The following ABCB5 variants were observed in gnomAD, a reference collection of about 807,000 sequenced individuals.
ABCB5 encodes ATP-binding cassette sub-family B member 5.
A neutral mutation model predicts 144.2 loss-of-function variants in ABCB5; 155 were observed. The ratio of observed to expected loss-of-function variants is 1.08; its 90% confidence interval spans 0.94 to 1.23. The LOEUF is 1.23. ABCB5 is among the 50% of genes most tolerant of loss of function. The pLI is 0.00. For missense variants in ABCB5, 1,830 were observed against 1,520.8 expected, an observed-to-expected ratio of 1.20 and a Z score of -3.38; for synonymous variants, 610 against 528.6, an observed-to-expected ratio of 1.15 and a Z score of -2.11.
At chr7:20,690,821 C>T (rs1786195544) in intron 16 of ABCB5, among the ~76,000 whole-genome samples, 1 of 152,014 alleles carries the variant, frequency 6.6e-6, no homozygotes. Flanking sequence ...TAAGAGGAAA[C>T]CCAGGAGAGT....
At chr7:20,690,609 AAG>A (rs1197041482) in intron 16 of ABCB5, among the ~76,000 whole-genome samples, 1 of 152,186 alleles carries the variant, frequency 6.6e-6, no homozygotes, top group Non-Finnish European at 1.5e-5. Context: ...GGGCCAGAGT[AAG>A]ATGAGGGAAA....
At chr7:20,751,345 G>A (rs1401865117) in intron 26 of ABCB5, among the ~76,000 whole-genome samples, 3 of 152,120 alleles carry the variant, frequency 2.0e-5, no homozygotes, top group Admixed American at 6.5e-5. Flanking sequence ...GGTGGCGGGC[G>A]CCTGTAGTTG....
intron 23 of ABCB5, among the ~76,000 whole-genome samples, chr7:20,728,761 A>C (rs1184793326): frequency 6.6e-6 from 1 of 152,180 alleles, no homozygotes; most frequent in African/African-American, 2.4e-5. Flanking sequence ...CTCAAAATAA[A>C]TAAATTAATT....
At chr7:20,740,776 AT>A (rs1782535961) in intron 24 of ABCB5, among the ~76,000 whole-genome samples, 1 of 152,258 alleles carries the variant, frequency 6.6e-6, no homozygotes, top group East Asian at 1.9e-4. Flanking sequence ...TTTATTTAGT[AT>A]GTAAATGTTT....
chr7:20,699,732 T>G, intron 17 of ABCB5, 93 bp from the exon 18 acceptor site: 3 of 768,894 alleles, frequency 3.9e-6, no homozygotes, highest in Non-Finnish European at 6.1e-6. Flanking sequence ...AAAAGAAATG[T>G]ATTTTAAAAC....
At chr7:20,637,865 A>G (rs984643342) in intron 5 of ABCB5, among the ~76,000 whole-genome samples, 1 of 152,216 alleles carries the variant, frequency 6.6e-6, no homozygotes, top group African/African-American at 2.4e-5. Flanking sequence ...TAAGTGCTCA[A>G]TAAATGAAGC....
intron 27 of ABCB5, among the ~76,000 whole-genome samples, chr7:20,754,159 C>T (rs891432829): frequency 1.4e-4 from 22 of 152,284 alleles, no homozygotes; most frequent in Admixed American, 1.3e-3. Context: ...AACAACATGA[C>T]GAATGAGCTT....
At chr7:20,632,551 C>A (rs1241189246) in intron 5 of ABCB5, among the ~76,000 whole-genome samples, 3 of 152,074 alleles carry the variant, frequency 2.0e-5, no homozygotes, top group African/African-American at 7.2e-5. Flanking sequence ...GCTATAAAAA[C>A]ACATGCACAC....
intron 1 of ABCB5, among the ~76,000 whole-genome samples, chr7:20,616,143 T>A (rs1451982866): frequency 6.6e-6 from 1 of 152,150 alleles, no homozygotes; most frequent in African/African-American, 2.4e-5. Flanking sequence ...TCAAGAGATT[T>A]TCCTGGCTCA....
At chr7:20,619,957 C>T (rs1336397843) in intron 1 of ABCB5, among the ~76,000 whole-genome samples, 2 of 152,084 alleles carry the variant, frequency 1.3e-5, no homozygotes, top group Admixed American at 1.3e-4. Context: ...TTTTTGTTGA[C>T]TTTGTTAACG....
chr7:20,729,922 G>A (rs931770473), intron 23 of ABCB5, among the ~76,000 whole-genome samples: 1 of 152,122 alleles, frequency 6.6e-6, no homozygotes, highest in African/African-American at 2.4e-5. Flanking sequence ...TGGCATATTT[G>A]TATTTTCAGG....
At chr7:20,692,978 C>T (rs759387619) in intron 16 of ABCB5, among the ~76,000 whole-genome samples, 4 of 152,034 alleles carry the variant, frequency 2.6e-5, no homozygotes, top group Admixed American at 6.6e-5. Context: ...AATAGAAATT[C>T]GGCAGAAACA....
chr7:20,683,850 G>C (rs1030921446), intron 15 of ABCB5, among the ~76,000 whole-genome samples: 10 of 152,092 alleles, frequency 6.6e-5, no homozygotes, highest in African/African-American at 1.7e-4. Context: ...TGTCAATTTT[G>C]ATAATTCGTG....
intron 20 of ABCB5, among the ~76,000 whole-genome samples, chr7:20,713,589 C>T (rs1293319510): frequency 1.3e-5 from 2 of 149,500 alleles, no homozygotes; most frequent in African/African-American, 4.9e-5. Flanking sequence ...ATTTTTGGTG[C>T]TGGATATTTT....
intron 20 of ABCB5, among the ~76,000 whole-genome samples, chr7:20,722,305 T>C (rs770111987): frequency 2.6e-5 from 4 of 152,158 alleles, no homozygotes; most frequent in Non-Finnish European, 4.4e-5. Flanking sequence ...GTACCTATCA[T>C]TGAGAAGACA....
At chr7:20,677,360 T>C (rs1226207412) in intron 14 of ABCB5, among the ~76,000 whole-genome samples, 2 of 152,188 alleles carry the variant, frequency 1.3e-5, no homozygotes, top group African/African-American at 4.8e-5. Context: ...AGAAGCTGAA[T>C]AATAATTATA....
intron 15 of ABCB5, 110 bp downstream of exon 15, chr7:20,681,776 C>G: frequency 7.8e-7 from 1 of 1,285,210 alleles, no homozygotes; most frequent in Admixed American, 2.3e-5. Context: ...CAAAAAGCAA[C>G]CAAGGTTTAT....
At chr7:20,750,383 T>TACACACAC (rs3033674) in intron 26 of ABCB5, among the ~76,000 whole-genome samples, 2,606 of 141,050 alleles carry the variant, frequency 0.018, 66 homozygotes, top group African/African-American at 0.055. Context: ...GGCTTCCCCC[T>TACACACAC]ACACACACAC....
At chr7:20,669,117 C>T (rs1285314434) in intron 14 of ABCB5, among the ~76,000 whole-genome samples, 2 of 150,992 alleles carry the variant, frequency 1.3e-5, no homozygotes, top group Admixed American at 1.3e-4. Flanking sequence ...GGGTCAGCCC[C>T]CCACCCGGCC....
Sources: gnomAD v4.1 joint callset for allele counts (sites outside exome capture counted in the v4.1 genomes callset) on GRCh38, gnomAD v4.1.1 for gene constraint, MANE v1.5 for transcripts, NCBI Gene and HGNC (gene_info 2026-07-23, HGNC 2026-07-21) for gene names.